RGS5: variants seen among roughly 807,000 people sequenced by gnomAD.
RGS5 encodes the protein regulator of G-protein signalling 5.
A neutral mutation model predicts 18.9 loss-of-function variants in RGS5; 20 were observed. That is an observed-to-expected ratio of 1.06 (90% CI 0.74 to 1.54). The LOEUF (loss-of-function observed/expected upper bound fraction) is 1.54, where lower values mean the gene tolerates loss of function less well. RGS5 is among the 40% of genes most tolerant of loss of function. The pLI, the probability that RGS5 is intolerant of heterozygous loss-of-function variation, is 0.00. For missense variants in RGS5, 201 were observed against 211.8 expected (o/e 0.95, Z 0.32); for synonymous variants, 57 against 76.2 (o/e 0.75, Z 1.31).
intron 1 of RGS5, 128 bp from the exon 2 acceptor site, chr1:163,168,496 C>A: frequency 3.0e-6 from 2 of 677,558 alleles, no homozygotes; most frequent in Admixed American, 2.7e-5. Context: ...TTTCTTGTGG[C>A]AGAAAGAATA....
chr1:163,304,066 T>C (rs1185983947), intron 2 of RGS5: 4 of 151,872 alleles, frequency 2.6e-5, no homozygotes, highest in African/African-American at 7.2e-5. Context: ...CTCTATACAT[T>C]TGTACACACT....
At chr1:163,182,494 T>C (rs1658893825) in intron 1 of RGS5, among the ~76,000 whole-genome samples, 1 of 152,198 alleles carries the variant, frequency 6.6e-6, no homozygotes, top group Admixed American at 6.5e-5. Context: ...TCCCATGCTT[T>C]TCTGGGCTGT....
At chr1:163,163,973 T>A (rs916100006) in intron 2 of RGS5, among the ~76,000 whole-genome samples, 3 of 152,214 alleles carry the variant, frequency 2.0e-5, no homozygotes, top group Admixed American at 6.5e-5. Context: ...ATCTGATTTT[T>A]CCCAAATGGC....
intron 2 of RGS5, among the ~76,000 whole-genome samples, chr1:163,261,917 A>G (rs896935808): frequency 6.6e-6 from 1 of 151,736 alleles, no homozygotes; most frequent in Non-Finnish European, 1.5e-5. Context: ...CAGTTTTTCA[A>G]CCTCTCCTCC....
At chr1:163,228,496 C>T (rs1006083157) in intron 2 of RGS5, among the ~76,000 whole-genome samples, 1 of 152,182 alleles carries the variant, frequency 6.6e-6, no homozygotes. Flanking sequence ...TGGACCCGGC[C>T]CAGGACACCA....
At chr1:163,253,729 C>G (rs1016836646) in intron 2 of RGS5, among the ~76,000 whole-genome samples, 2 of 151,408 alleles carry the variant, frequency 1.3e-5, no homozygotes, top group Non-Finnish European at 2.9e-5. Flanking sequence ...ATACATGTGC[C>G]ATGTTGGTGT....
intron 1 of RGS5, chr1:163,212,618 A>G (rs1190982503): frequency 6.6e-6 from 1 of 152,226 alleles, no homozygotes; most frequent in African/African-American, 2.4e-5. Flanking sequence ...ACAGCATCTT[A>G]GCTCCAGTGA....
At chr1:163,250,030 G>C (rs1648065457) in intron 2 of RGS5, among the ~76,000 whole-genome samples, 1 of 152,132 alleles carries the variant, frequency 6.6e-6, no homozygotes, top group Non-Finnish European at 1.5e-5. Flanking sequence ...ATATGGGCTT[G>C]AGGCTGGAAG....
upstream of RGS5, among the ~76,000 whole-genome samples, chr1:163,218,701 A>C (rs576317688): frequency 9.9e-4 from 151 of 152,278 alleles, no homozygotes; most frequent in African/African-American, 3.5e-3. Context: ...CTGTGGCATA[A>C]AAAAGGTTAG....
At position 163,279,543 on chromosome 1, in the gene RGS5, T is replaced by C. The variant is rs187473791; in HGVS notation, c.-281+26690A>G. Reference sequence around the variant, plus strand: ...AAAGCAGTCCTAAGAGGAAAGTTTATAGCACTAAACAACTACATCAAAAAA... The same window carrying C: ...AAAGCAGTCCTAAGAGGAAAGTTTACAGCACTAAACAACTACATCAAAAAA... On this transcript the variant is annotated intron_variant, in intron 2 of 5. Coordinates refer to the RGS5 transcript ENST00000618415. Among the ~76,000 whole-genome samples the C allele has an allele frequency of 4.4e-3, 668 of 152,034 alleles. 6 individuals carry two copies. The highest frequency in any genetic ancestry group is 7.2e-3 in the Admixed American group (110 of 15,260).
intron 2 of RGS5, among the ~76,000 whole-genome samples, chr1:163,274,175 C>T (rs556407405): frequency 3.9e-5 from 6 of 152,188 alleles, no homozygotes; most frequent in African/African-American, 1.4e-4. Context: ...ATAATGACAC[C>T]TGAGTGTATG....
intron 2 of RGS5, among the ~76,000 whole-genome samples, chr1:163,297,006 A>C (rs935286648): frequency 6.6e-6 from 1 of 152,184 alleles, no homozygotes; most frequent in Admixed American, 6.5e-5. Context: ...ATGACTCTTA[A>C]ACAAAATGGA....
In RGS5 at chr1:163,245,087, G is replaced by A. The variant is rs558734828; in HGVS notation, c.-281+61146C>T. On this transcript the variant is annotated intron_variant, in intron 2 of 5. Transcript: ENST00000618415. The stretch of plus-strand genomic sequence containing the variant: ...GAATATAGTCTGCTGAGTAAATTTC[G>A]TCAAACAACAATGAAAAAGATTTTT... The A allele has an allele frequency of 4.6e-5, 7 of 152,254 alleles. No individual in the cohort carries two copies. In the South Asian group the frequency reaches 8.3e-4, roughly 18 times the overall value. The allele number at this position is 152,254 out of a possible 1,614,324, so 9.4% of individuals were successfully genotyped here.
intron 1 of RGS5, among the ~76,000 whole-genome samples, chr1:163,307,704 C>G (rs931678379): frequency 2.0e-5 from 3 of 151,822 alleles, no homozygotes; most frequent in African/African-American, 7.3e-5. Context: ...GTACATGAAT[C>G]AGAAATTCTT....
chr1:163,243,642 T>A (rs1342288905), intron 2 of RGS5, among the ~76,000 whole-genome samples: 2 of 9,746 alleles, frequency 2.1e-4, no homozygotes, highest in Non-Finnish European at 3.6e-4. Flanking sequence ...AGACTCCGTC[T>A]CAAAAAAAAA....
chr1:163,164,271 T>C (rs1657938577), intron 2 of RGS5, among the ~76,000 whole-genome samples: 1 of 152,200 alleles, frequency 6.6e-6, no homozygotes, highest in South Asian at 2.1e-4. Flanking sequence ...CCAATAAATG[T>C]TCTGGTTTGC....
In RGS5 at chr1:163,147,506, G is replaced by A. The variant is rs1447022599; in HGVS notation, c.385-3C>T. 2 of 1,572,638 alleles carry A rather than the reference G, an allele frequency of 1.3e-6. No homozygotes were observed. The highest frequency in any genetic ancestry group is 2.3e-5 in the East Asian group (1 of 42,888). ...TTAGTGAAGTGGTCAATATTCACCT[G>A]TGGGCCAGGAAACAGGGTCACTACA... On this transcript the variant is annotated splice_region_variant and splice_polypyrimidine_tract_variant and intron_variant, in intron 4 of 4. Coordinates refer to ENST00000313961, the MANE Select transcript of RGS5 (RefSeq NM_003617.4).
At chr1:163,283,629 T>C (rs2101720477) in intron 2 of RGS5, among the ~76,000 whole-genome samples, 1 of 152,272 alleles carries the variant, frequency 6.6e-6, no homozygotes, top group East Asian at 1.9e-4. Flanking sequence ...TGATGGGATG[T>C]CACTCTCATA....
chr1:163,148,517 T>TATTA (rs1657246344), intron 4 of RGS5, among the ~76,000 whole-genome samples: 1 of 152,242 alleles, frequency 6.6e-6, no homozygotes, highest in Non-Finnish European at 1.5e-5. Flanking sequence ...TAGATGCTGT[T>TATTA]GTCTACATTT....
Sources: gnomAD v4.1 joint callset for allele counts (sites outside exome capture counted in the v4.1 genomes callset) on GRCh38, gnomAD v4.1.1 for gene constraint, MANE v1.5 for transcripts, NCBI Gene and HGNC (gene_info 2026-07-23, HGNC 2026-07-21) for gene names.